The following DAB1 variants were observed in gnomAD, a reference collection of about 807,000 sequenced individuals.
DAB1 encodes the protein disabled homolog 1.
Under a neutral mutation model 64.6 loss-of-function variants are expected in DAB1, and 15 were observed. The ratio of observed to expected loss-of-function variants is 0.23; its 90% CI spans 0.16 to 0.36. The LOEUF (loss-of-function observed/expected upper bound fraction) is 0.36. Among genes scored for constraint, DAB1 ranks in the 10% least tolerant of loss-of-function variants. The pLI is 1.00. For synonymous variants in DAB1, 235 were observed against 251.9 expected (o/e 0.93, Z 0.64); for missense variants, 596 against 706.7 (o/e 0.84, Z 1.78).
At chr1:57,794,885 C>A (rs959090487) in intron 6 of DAB1, among the ~76,000 whole-genome samples, 48 of 152,192 alleles carry the variant, frequency 3.2e-4, no homozygotes, top group Non-Finnish European at 1.2e-4. Context: ...ATCTGACTTA[C>A]GGCAAGAGTG....
chr1:57,637,151 C>T (rs1646067200), intron 7 of DAB1, among the ~76,000 whole-genome samples: 1 of 152,092 alleles, frequency 6.6e-6, no homozygotes, highest in Non-Finnish European at 1.5e-5. Context: ...TCTACTAATA[C>T]TTTACATATT....
intron 1 of DAB1, among the ~76,000 whole-genome samples, chr1:57,293,176 T>G (rs889191745): frequency 1.3e-5 from 2 of 152,114 alleles, no homozygotes; most frequent in African/African-American, 4.8e-5. Context: ...TTCCCAGTTT[T>G]TCCTTGTGCT....
Position 58,076,909 on chromosome 1 carries a change from A to C in DAB1, n.387+73602T>G, listed in dbSNP as rs183732217. On this transcript the variant is annotated intron_variant and non_coding_transcript_variant, in intron 5 of 20. Coordinates refer to the DAB1 transcript ENST00000485760. ...TGTTCATGGAATGAAGCTGGAAGGG[A>C]GTCTTCCTGGGTCATCTTCATCTAG... Among the ~76,000 whole-genome samples, 7 of 152,246 alleles carry C rather than the reference A, an allele frequency of 4.6e-5. No individual in the cohort carries two copies. In the East Asian group the frequency reaches 1.4e-3, roughly 29 times the overall value.
chr1:57,527,701 T>C (rs1644610744), intron 7 of DAB1, among the ~76,000 whole-genome samples: 4 of 152,200 alleles, frequency 2.6e-5, no homozygotes, highest in Admixed American at 1.3e-4. Context: ...GAGGAAGGAC[T>C]ATAAAGATTA....
intron 2 of DAB1, among the ~76,000 whole-genome samples, chr1:57,185,129 C>T (rs1663398524): frequency 1.3e-5 from 2 of 152,114 alleles, no homozygotes; most frequent in Non-Finnish European, 2.9e-5. Flanking sequence ...AACATGCTTC[C>T]CCCTCTCTGT....
chr1:57,340,551 T>C (rs946357656), intron 1 of DAB1, among the ~76,000 whole-genome samples: 6 of 152,228 alleles, frequency 3.9e-5, no homozygotes, highest in African/African-American at 1.4e-4. Flanking sequence ...TGTAACCATT[T>C]GCTAGGCTAT....
At chr1:57,555,279 T>C (rs1407384378) in intron 7 of DAB1, among the ~76,000 whole-genome samples, 1 of 151,906 alleles carries the variant, frequency 6.6e-6, no homozygotes, top group African/African-American at 2.4e-5. Flanking sequence ...GTGATCTGCC[T>C]GCCTCGGCCT....
chr1:57,968,635 C>A (rs556817745), intron 5 of DAB1, among the ~76,000 whole-genome samples: 3 of 152,064 alleles, frequency 2.0e-5, no homozygotes, highest in Non-Finnish European at 4.4e-5. Flanking sequence ...ATTTTTTGTG[C>A]GTGTTCTTTA....
At chr1:58,442,658 TG>T (rs1291963054) in intron 3 of DAB1, among the ~76,000 whole-genome samples, 1 of 152,236 alleles carries the variant, frequency 6.6e-6, no homozygotes, top group African/African-American at 2.4e-5. Context: ...ATCCTTGCTC[TG>T]TCACTGACAA....
chr1:57,235,280 G>T (rs1302160148), intron 2 of DAB1, among the ~76,000 whole-genome samples: 1 of 152,070 alleles, frequency 6.6e-6, no homozygotes, highest in Non-Finnish European at 1.5e-5. Flanking sequence ...TAAAATAAGG[G>T]ACATTATTAC....
At chr1:58,527,886 A>T (rs1162756317) in intron 1 of DAB1, among the ~76,000 whole-genome samples, 4 of 152,244 alleles carry the variant, frequency 2.6e-5, no homozygotes, top group Non-Finnish European at 5.9e-5. Context: ...TCAATAAAAA[A>T]CACACATAGA....
chr1:58,112,703 A>G lies in DAB1; in HGVS notation n.387+37808T>C, dbSNP rs991130776. ...TCAGCACATAGTAGGCACTCAATAC[A>G]TGTTTCCTAAATGAATGATGAATGA... is the stretch of plus-strand genomic sequence containing the variant. On this transcript the variant is annotated intron_variant and non_coding_transcript_variant, in intron 5 of 20. Coordinates refer to the DAB1 transcript ENST00000485760. 3.3e-4 allele frequency among the ~76,000 whole-genome samples: 50 copies of G among 152,226 alleles called. 1 individual carries two copies. The highest frequency in any genetic ancestry group is 1.2e-3 in the African/African-American group (49 of 41,460).
At chr1:58,458,173 GTT>G (rs1446338929) in intron 3 of DAB1, among the ~76,000 whole-genome samples, 1 of 152,148 alleles carries the variant, frequency 6.6e-6, no homozygotes, top group Non-Finnish European at 1.5e-5. Flanking sequence ...TAAAAATTCA[GTT>G]TCTCATTTAT....
chr1:57,258,098 G>A (rs1386486048), intron 2 of DAB1, among the ~76,000 whole-genome samples: 2 of 152,054 alleles, frequency 1.3e-5, no homozygotes, highest in Non-Finnish European at 2.9e-5. Flanking sequence ...GAAAGCACTG[G>A]GGTTTTTTGG....
intron 4 of DAB1, among the ~76,000 whole-genome samples, chr1:58,151,895 C>A (rs1328556357): frequency 6.6e-6 from 1 of 152,184 alleles, no homozygotes; most frequent in African/African-American, 2.4e-5. Flanking sequence ...AAACAACCAA[C>A]TCTGTGGGGA....
intron 4 of DAB1, among the ~76,000 whole-genome samples, chr1:57,107,107 G>T (rs984539591): frequency 4.6e-5 from 7 of 152,118 alleles, no homozygotes; most frequent in African/African-American, 1.7e-4. Context: ...AGGCATGGTG[G>T]CTCACGCCTG....
At chr1:57,166,570 T>C (rs920306446) in intron 2 of DAB1, among the ~76,000 whole-genome samples, 13 of 152,152 alleles carry the variant, frequency 8.5e-5, no homozygotes, top group African/African-American at 3.1e-4. Context: ...CATAGGGGTT[T>C]GGAGAAAGAA....
At chr1:57,428,875 A>T (rs1685390512), upstream of DAB1, among the ~76,000 whole-genome samples, 1 of 149,332 alleles carries the variant, frequency 6.7e-6, no homozygotes, top group Non-Finnish European at 1.5e-5. Context: ...AACCAAAAAA[A>T]CTGTTTGTTT....
chr1:57,440,223 G>A (rs536714967), intron 7 of DAB1, among the ~76,000 whole-genome samples: 3 of 152,226 alleles, frequency 2.0e-5, no homozygotes, highest in African/African-American at 7.2e-5. Flanking sequence ...TCCCTGCCAT[G>A]TGTTGGAGCC....
Sources: allele counts gnomAD v4.1 joint callset (sites outside exome capture counted in the v4.1 genomes callset), GRCh38; gene constraint gnomAD v4.1.1; transcripts MANE v1.5; gene names NCBI Gene and HGNC (gene_info 2026-07-23, HGNC 2026-07-21).